The following NRG3 variants were observed in gnomAD, a reference collection of about 807,000 sequenced individuals.
The protein encoded by NRG3 is pro-neuregulin-3, membrane-bound isoform.
NRG3 carries 31 observed loss-of-function variants against 66.9 expected under a neutral mutation model. The ratio of observed to expected loss-of-function variants is 0.46; its 90% CI spans 0.35 to 0.63. The LOEUF (loss-of-function observed/expected upper bound fraction) is 0.63, where lower values mean the gene tolerates loss of function less well. Ranked by LOEUF, NRG3 falls within the 20% of genes least tolerant of loss-of-function variation. The probability of loss-of-function intolerance (pLI) is 0.00; values close to 1 mark genes in which losing one functional copy is unlikely to be tolerated. For synonymous variants in NRG3, 393 were observed against 359.4 expected, an observed-to-expected ratio of 1.09 and a Z score of -1.06; for missense variants, 910 against 878.9, an observed-to-expected ratio of 1.04 and a Z score of -0.45.
intron 4 of NRG3, among the ~76,000 whole-genome samples, chr10:82,894,963 A>G (rs1211710018): frequency 6.6e-6 from 1 of 152,008 alleles, no homozygotes; most frequent in African/African-American, 2.4e-5. Context: ...TTCTTTGTTC[A>G]ACTCCCACTT....
intron 2 of NRG3, among the ~76,000 whole-genome samples, chr10:82,553,503 G>A (rs1221174172): frequency 6.6e-6 from 1 of 152,100 alleles, no homozygotes; most frequent in African/African-American, 2.4e-5. Context: ...AGGGTTTGCT[G>A]AAGAGAATTT....
At chr10:82,649,521 A>G (rs1025957772) in intron 2 of NRG3, among the ~76,000 whole-genome samples, 5 of 120,702 alleles carry the variant, frequency 4.1e-5, no homozygotes, top group Admixed American at 1.2e-4. Context: ...CCCAGGCTGG[A>G]GTGCAGTGGC....
At chr10:82,672,294 C>CA (rs1353673279) in intron 2 of NRG3, among the ~76,000 whole-genome samples, 1 of 151,984 alleles carries the variant, frequency 6.6e-6, no homozygotes, top group African/African-American at 2.4e-5. Flanking sequence ...GCCATGTGGC[C>CA]AGAGCACAGG....
chr10:82,536,572 G>A (rs1240528873), intron 2 of NRG3, among the ~76,000 whole-genome samples: 1 of 152,062 alleles, frequency 6.6e-6, no homozygotes, highest in Non-Finnish European at 1.5e-5. Context: ...TTTTACAAGT[G>A]GTTAAAACTT....
At chr10:82,254,963 C>T (rs779960015) in intron 1 of NRG3, among the ~76,000 whole-genome samples, 2 of 152,136 alleles carry the variant, frequency 1.3e-5, no homozygotes, top group African/African-American at 2.4e-5. Context: ...ACATAGTGAC[C>T]TTGTTTCTCC....
chr10:82,259,247 A>G (rs1011258002), intron 1 of NRG3, among the ~76,000 whole-genome samples: 2 of 152,234 alleles, frequency 1.3e-5, no homozygotes, highest in Admixed American at 1.3e-4. Context: ...AAAACTGAAA[A>G]TCAATCCTTC....
chr10:81,875,541 G>A lies in NRG3; in HGVS notation c.201G>A (p.Leu67=). Residue 67 remains leucine (L), a synonymous_variant, in exon 1 of 9, where the codon CTG becomes CTA. Coordinates refer to ENST00000372141, the MANE Select transcript of NRG3 (RefSeq NM_001010848.4). This position sits in a 1 kb window ranked among gnomAD's most constrained non-coding sequence, Gnocchi z 5.3. ...CIVWNRQQTW[L]CVVPLFIGFI... ...TGTGGAACCGGCAGCAGACGTGGCT[G>A]TGCGTGGTACCTCTGTTCATCGGCT... 1.2e-6 allele frequency: 2 copies of A among 1,612,806 alleles called. No individual in the cohort carries two copies. The highest frequency in any genetic ancestry group is 1.7e-4 in the Middle Eastern group (1 of 6,058).
chr10:82,877,780 G>T (rs1304668815), intron 4 of NRG3, among the ~76,000 whole-genome samples: 3 of 152,256 alleles, frequency 2.0e-5, no homozygotes, highest in Non-Finnish European at 4.4e-5. Context: ...GTCAGATGAA[G>T]ATGTCCCAAA....
chr10:82,338,896 C>T (rs556758044), intron 1 of NRG3, among the ~76,000 whole-genome samples: 2 of 152,286 alleles, frequency 1.3e-5, no homozygotes, highest in South Asian at 4.1e-4. Context: ...ATATTTAGAA[C>T]TCGGCACACT....
chr10:82,405,624 C>CA (rs375407700), intron 2 of NRG3, among the ~76,000 whole-genome samples: 1 of 151,924 alleles, frequency 6.6e-6, no homozygotes, highest in Non-Finnish European at 1.5e-5. Context: ...TGCATCACCC[C>CA]ACCTGGCTAA....
Position 82,985,542 on chromosome 10 carries a change from A to G in NRG3, c.2028A>G (p.Ser676=), listed in dbSNP as rs1853369889. ...AFLPLSPTAK[S]EREAQFVLRN... ...TCCCCCTGAGTCCCACAGCCAAATC[A>G]GAACGAGAGGCGCAATTTGTCTTAA... Residue 676 remains serine, a synonymous_variant, in exon 9 of 9, where the codon TCA becomes TCG. Coordinates refer to ENST00000372141, the MANE Select transcript of NRG3 (RefSeq NM_001010848.4). 2 of 1,614,074 alleles carry G rather than the reference A, an allele frequency of 1.2e-6. No homozygotes were observed. Among genetic ancestry groups the G allele is most frequent in the East Asian group, 4.5e-5 (2 of 44,870 alleles).
At chr10:82,232,059 A>C (rs1478714190) in intron 1 of NRG3, among the ~76,000 whole-genome samples, 1 of 152,152 alleles carries the variant, frequency 6.6e-6, no homozygotes, top group Non-Finnish European at 1.5e-5. Context: ...TTTGCAAATT[A>C]CTATGGTAGG....
intron 1 of NRG3, among the ~76,000 whole-genome samples, chr10:82,290,804 T>A (rs1027245349): frequency 6.1e-4 from 92 of 151,156 alleles, no homozygotes; most frequent in African/African-American, 2.0e-3. Context: ...TGGCTAATTT[T>A]TTTTTTTTTT....
chr10:81,933,872 G>T (rs957484672), intron 1 of NRG3, among the ~76,000 whole-genome samples: 3 of 152,106 alleles, frequency 2.0e-5, no homozygotes, highest in African/African-American at 7.2e-5. Context: ...ACTGAATTAT[G>T]TTATTCTACA....
At position 82,731,382 on chromosome 10, in the gene NRG3, A is replaced by AG. The variant is rs1555017063; in HGVS notation, c.954-7195_954-7194insG. 1.0e-3 allele frequency among the ~76,000 whole-genome samples: 146 copies of AG among 145,926 alleles called. 9 individuals carry two copies. The highest frequency in any genetic ancestry group is 3.0e-3 in the South Asian group (14 of 4,688). ...ACTCTGTCTCAAAAAAAAAAAAAAAAAAAAGAAAATGTCATTAGTCTTTGA... is the reference window on the plus strand; with the variant it reads ...ACTCTGTCTCAAAAAAAAAAAAAAAAGAAAAGAAAATGTCATTAGTCTTTGA... On this transcript the variant is annotated intron_variant, in intron 2 of 8. Transcript: ENST00000372141.
In NRG3 at chr10:82,985,475, G is replaced by A; in HGVS notation, c.1961G>A (p.Ser654Asn). 2.5e-6 allele frequency: 4 copies of A among 1,614,100 alleles called. No individual in the cohort carries two copies. Among genetic ancestry groups the A allele is most frequent in the Non-Finnish European group, 3.4e-6 (4 of 1,180,004 alleles). The change falls in exon 9 of 9, where the codon AGC becomes AAC. Residue 654 changes from serine to asparagine, a missense_variant. By Grantham distance (46) the Ser-to-Asn change is conservative. Transcript: ENST00000372141. ...ARRSEDYELA[S>N]VETEDSASEN... ...CGGTCAGAAGACTACGAACTGGCCA[G>A]CGTAGAAACCGAGGACAGTGCAAGC...
intron 1 of NRG3, among the ~76,000 whole-genome samples, chr10:82,217,586 A>G (rs916317920): frequency 3.3e-5 from 5 of 152,202 alleles, no homozygotes; most frequent in Admixed American, 3.3e-4. Context: ...GTAAAATACA[A>G]CATTTTTCTC....
At chr10:81,923,098 C>T (rs568567955) in intron 1 of NRG3, among the ~76,000 whole-genome samples, 1 of 152,262 alleles carries the variant, frequency 6.6e-6, no homozygotes, top group African/African-American at 2.4e-5. Flanking sequence ...TATTCTTAAA[C>T]ATGTGTTTTT....
At chr10:82,334,136 C>CAAA (rs34320765) in intron 1 of NRG3, among the ~76,000 whole-genome samples, 24 of 89,870 alleles carry the variant, frequency 2.7e-4, no homozygotes, top group Admixed American at 3.5e-4. Flanking sequence ...CATGGCGTCT[C>CAAA]AAAAAAAAAA....
Sources: allele counts gnomAD v4.1 joint callset (sites outside exome capture counted in the v4.1 genomes callset), GRCh38; gene constraint gnomAD v4.1.1; non-coding constraint Gnocchi (gnomAD v3.1); transcripts MANE v1.5; gene names NCBI Gene and HGNC (gene_info 2026-07-23, HGNC 2026-07-21).